Variants in DDHD1 observed in about 807,000 individuals in gnomAD.
DDHD1 encodes the protein phospholipase DDHD1.
In DDHD1, 49 loss-of-function variants were observed where a neutral mutation model predicts 96.4. The observed-to-expected ratio is 0.51, with a 90% CI of 0.40 to 0.64. The LOEUF (loss-of-function observed/expected upper bound fraction) is 0.64, where lower values mean the gene tolerates loss of function less well. Ranked by LOEUF, DDHD1 falls within the 30% of genes least tolerant of loss-of-function variation. The pLI is 0.00. For synonymous variants in DDHD1, 442 were observed against 446.5 expected (o/e 0.99, Z 0.13); for missense variants, 1,106 against 1,161.2 (o/e 0.95, Z 0.69).
intron 12 of DDHD1, among the ~76,000 whole-genome samples, chr14:53,050,227 A>T (rs867181361): frequency 6.6e-6 from 1 of 152,188 alleles, no homozygotes; most frequent in African/African-American, 2.4e-5. Context: ...AAGAAACAGC[A>T]TGAGCAAAAC....
intron 2 of DDHD1, chr14:53,103,254 G>T (rs1010433962): frequency 8.2e-5 from 36 of 438,880 alleles, no homozygotes; most frequent in African/African-American, 6.8e-4. Context: ...TTTCAATAGG[G>T]GATAACTAAG....
intron 7 of DDHD1, 27 bp from the exon 8 acceptor site, chr14:53,061,228 A>G (rs745845969): frequency 6.4e-7 from 1 of 1,567,394 alleles, no homozygotes; most frequent in East Asian, 2.3e-5. Context: ...GATTATATAC[A>G]CACACGTATT....
rs919744070 is a variant in DDHD1 at position 53,040,302 on chromosome 14, G to A, written c.*6466C>T. On this transcript the variant is annotated 3_prime_UTR_variant, in exon 13 of 13. Transcript: ENST00000673822. ...CTCTGATGTTCTAGAGGGAGTTGTG[G>A]CCACTAGCCTTCCTAGTAGAACGGA... 6.6e-6 allele frequency: 1 copy of A among 152,262 alleles called. No individual in the cohort carries two copies. The highest frequency in any genetic ancestry group is 2.4e-5 in the African/African-American group (1 of 41,558). 9.4% of individuals were successfully genotyped at this position (152,262 alleles called of 1,614,324 possible).
chr14:53,054,145 A>G, intron 11 of DDHD1: 1 of 277,764 alleles, frequency 3.6e-6, no homozygotes, highest in Non-Finnish European at 6.7e-6. Flanking sequence ...TATAAACTTC[A>G]GGGGGTACTT....
intron 4 of DDHD1, among the ~76,000 whole-genome samples, chr14:53,088,513 A>T (rs904429375): frequency 2.0e-5 from 3 of 152,226 alleles, no homozygotes; most frequent in Non-Finnish European, 4.4e-5. Flanking sequence ...AGTCTGGTTC[A>T]ACATATGCAA....
intron 4 of DDHD1, among the ~76,000 whole-genome samples, chr14:53,086,592 A>G (rs1009831994): frequency 6.6e-6 from 1 of 152,166 alleles, no homozygotes; most frequent in African/African-American, 2.4e-5. Flanking sequence ...TTTACAGACA[A>G]GCAAGTGCTG....
At chr14:53,136,330 C>T (rs903668177) in intron 1 of DDHD1, among the ~76,000 whole-genome samples, 3 of 152,202 alleles carry the variant, frequency 2.0e-5, no homozygotes, top group Admixed American at 2.0e-4. Flanking sequence ...TGAGACAGTA[C>T]AAGCTTAGTG....
intron 1 of DDHD1, among the ~76,000 whole-genome samples, chr14:53,137,838 C>T (rs571973392): frequency 3.9e-5 from 6 of 151,976 alleles, no homozygotes; most frequent in African/African-American, 1.2e-4. Flanking sequence ...AAGAAAATCA[C>T]AGGAAGACAC....
At chr14:53,151,601 G>C (rs1022055510) in intron 1 of DDHD1, among the ~76,000 whole-genome samples, 1 of 152,214 alleles carries the variant, frequency 6.6e-6, no homozygotes, top group Admixed American at 6.5e-5. Flanking sequence ...AAATGAGGAA[G>C]ACGAGGCATA....
Position 53,093,453 on chromosome 14 carries a change from A to G in DDHD1, c.1013-9T>C. The G allele has an allele frequency of 6.2e-7, 1 of 1,604,346 alleles. No homozygotes were observed. The highest frequency in any genetic ancestry group is 8.5e-7 in the Non-Finnish European group (1 of 1,177,308). ...CTTGAAACTATGAACAGCTATTGCA[A>G]AAAGGAAAAGCTAATTTGAAGGTCT... On this transcript the variant is annotated splice_polypyrimidine_tract_variant and intron_variant, in intron 2 of 12. Coordinates refer to ENST00000673822, the MANE Select transcript of DDHD1 (RefSeq NM_001160148.2).
intron 3 of DDHD1, 195 bp downstream of exon 3, chr14:53,093,121 T>A: frequency 2.6e-6 from 1 of 388,484 alleles, no homozygotes; most frequent in Non-Finnish European, 4.2e-6. Flanking sequence ...TCATTCTAAA[T>A]ATATAATAAT....
intron 6 of DDHD1, 21 bp downstream of exon 6, chr14:53,072,576 C>T: frequency 7.2e-7 from 1 of 1,384,984 alleles, no homozygotes; most frequent in Non-Finnish European, 9.8e-7. Context: ...TACCCACCAG[C>T]AAGATAATCA....
In DDHD1 at chr14:53,046,647, A is replaced by T; in HGVS notation, c.*121T>A. ...AAATAAAGTGCTTTTAAATTCAAAT[A>T]TATGTTGCCCTAAAGAAAACTGAAA... On this transcript the variant is annotated 3_prime_UTR_variant, in exon 13 of 13. Transcript: ENST00000673822. 1.7e-6 allele frequency: 1 copy of T among 571,870 alleles called. No homozygotes were observed. Among genetic ancestry groups the T allele is most frequent in the Non-Finnish European group, 2.8e-6 (1 of 351,998 alleles). 35.4% of individuals were successfully genotyped at this position (571,870 alleles called of 1,614,324 possible).
Position 53,040,654 on chromosome 14 carries a change from C to T in DDHD1, c.*6114G>A, listed in dbSNP as rs1366327518. 1.3e-5 allele frequency: 2 copies of T among 152,126 alleles called. No individual in the cohort carries two copies. Among genetic ancestry groups the T allele is most frequent in the South Asian group, 2.1e-4 (1 of 4,830 alleles). The allele number at this position is 152,126 out of a possible 1,614,324, so 9.4% of individuals were successfully genotyped here. On this transcript the variant is annotated 3_prime_UTR_variant, in exon 13 of 13. Transcript: ENST00000673822. ...ATAAAAGTTTAAAGTTTCTGTCATC[C>T]AAACTGATCACTGCAGAGAGAAAAC...
intron 4 of DDHD1, among the ~76,000 whole-genome samples, chr14:53,090,905 A>C (rs1427194206): frequency 1.3e-5 from 2 of 152,148 alleles, no homozygotes; most frequent in African/African-American, 2.4e-5. Flanking sequence ...TTTTAACTTT[A>C]ATCCGTTAGC....
At chr14:53,116,015 A>C (rs1028526305) in intron 1 of DDHD1, among the ~76,000 whole-genome samples, 1 of 152,210 alleles carries the variant, frequency 6.6e-6, no homozygotes, top group Non-Finnish European at 1.5e-5. Flanking sequence ...GGCTCAAAAT[A>C]AAGGGATGGA....
At chr14:53,121,029 T>C (rs1376957235) in intron 1 of DDHD1, among the ~76,000 whole-genome samples, 1 of 152,118 alleles carries the variant, frequency 6.6e-6, no homozygotes, top group Non-Finnish European at 1.5e-5. Context: ...GAGAAAATTT[T>C]TGAAATCTAC....
intron 1 of DDHD1, among the ~76,000 whole-genome samples, chr14:53,147,541 TG>T (rs1891082360): frequency 6.6e-6 from 1 of 152,192 alleles, no homozygotes; most frequent in Non-Finnish European, 1.5e-5. Context: ...CCAAATGCCA[TG>T]GTCAGGTGCC....
At chr14:53,062,148 A>C (rs1310837344) in intron 7 of DDHD1, among the ~76,000 whole-genome samples, 1 of 151,656 alleles carries the variant, frequency 6.6e-6, no homozygotes, top group Non-Finnish European at 1.5e-5. Context: ...GCCAAACATG[A>C]CATTTTATTT....
Sources: allele counts gnomAD v4.1 joint callset (sites outside exome capture counted in the v4.1 genomes callset), GRCh38; gene constraint gnomAD v4.1.1; transcripts MANE v1.5; gene names NCBI Gene and HGNC (gene_info 2026-07-23, HGNC 2026-07-21).